Variants in OTUD7A observed in about 807,000 individuals in gnomAD.
OTUD7A encodes OTU domain-containing protein 7A.
In OTUD7A, 12 loss-of-function variants were observed where a neutral mutation model predicts 65.7. The ratio of observed to expected loss-of-function variants is 0.18; its 90% CI spans 0.12 to 0.30. OTUD7A has a LOEUF of 0.30. Ranked by LOEUF, OTUD7A falls within the 10% of genes least tolerant of loss-of-function variation. The probability of loss-of-function intolerance (pLI) is 1.00; values close to 1 mark genes in which losing one functional copy is unlikely to be tolerated. For missense variants in OTUD7A, 1,148 were observed against 1,304.8 expected, an observed-to-expected ratio of 0.88 and a Z score of 1.85; for synonymous variants, 641 against 586.3, an observed-to-expected ratio of 1.09 and a Z score of -1.35.
At chr15:31,808,145 C>A (rs1423706428) in intron 1 of OTUD7A, among the ~76,000 whole-genome samples, 2 of 54,866 alleles carry the variant, frequency 3.6e-5, no homozygotes, top group Non-Finnish European at 9.4e-5. Context: ...ACAAACAAAT[C>A]CTCACCAGGT....
intron 8 of OTUD7A, among the ~76,000 whole-genome samples, chr15:31,520,069 C>T (rs1353186488): frequency 6.6e-6 from 1 of 152,148 alleles, no homozygotes; most frequent in Admixed American, 6.5e-5. Flanking sequence ...TATATTGCTA[C>T]AGTAATCTAC....
intron 10 of OTUD7A, among the ~76,000 whole-genome samples, chr15:31,489,135 A>G (rs1397359657): frequency 2.0e-5 from 3 of 152,080 alleles, no homozygotes; most frequent in Admixed American, 2.0e-4. Context: ...ACACAAACAG[A>G]GAAGGGGTTA....
chr15:31,756,164 G>C (rs1894806426), intron 1 of OTUD7A, among the ~76,000 whole-genome samples: 1 of 152,220 alleles, frequency 6.6e-6, no homozygotes, highest in East Asian at 1.9e-4. Flanking sequence ...CCACACCTCT[G>C]ACTAAGGGCC....
At chr15:31,694,240 G>A (rs2141320772) in intron 1 of OTUD7A, among the ~76,000 whole-genome samples, 1 of 152,212 alleles carries the variant, frequency 6.6e-6, no homozygotes, top group Non-Finnish European at 1.5e-5. Context: ...ATGCTCTCTG[G>A]CATCCCTCGG....
At chr15:31,641,843 T>A (rs1891526089) in intron 3 of OTUD7A, among the ~76,000 whole-genome samples, 1 of 152,236 alleles carries the variant, frequency 6.6e-6, no homozygotes, top group Non-Finnish European at 1.5e-5. Context: ...ACATATGTCA[T>A]CATGTCACCT....
At chr15:31,659,076 T>TAAATA (rs137879176) in intron 1 of OTUD7A, among the ~76,000 whole-genome samples, 21 of 131,858 alleles carry the variant, frequency 1.6e-4, no homozygotes, top group Admixed American at 5.3e-4. Flanking sequence ...AATAAATAAA[T>TAAATA]AAATAAAATA....
In OTUD7A at chr15:31,507,541, G is replaced by A. The variant is rs192327917; in HGVS notation, c.894-3723C>T. ...CTCTTAAGTGTGGCACGGACCCAAAGAGTGAGCAGCAGCAAGATTTATTGT... is the reference window on the plus strand; with the variant it reads ...CTCTTAAGTGTGGCACGGACCCAAAAAGTGAGCAGCAGCAAGATTTATTGT... On this transcript the variant is annotated intron_variant, in intron 8 of 12. Coordinates refer to ENST00000307050, the MANE Select transcript of OTUD7A (RefSeq NM_001382637.1). 1.1e-4 allele frequency among the ~76,000 whole-genome samples: 16 copies of A among 152,186 alleles called. No homozygotes were observed. In the East Asian group the frequency reaches 3.1e-3, roughly 29 times the overall value.
At chr15:31,565,231 G>A (rs1388280027) in intron 4 of OTUD7A, among the ~76,000 whole-genome samples, 6 of 152,120 alleles carry the variant, frequency 3.9e-5, no homozygotes, top group Non-Finnish European at 7.4e-5. Context: ...CAGTTCAGGA[G>A]AGTCTACCTA....
At chr15:31,626,469 G>A (rs1466150063) in intron 3 of OTUD7A, among the ~76,000 whole-genome samples, 1 of 152,118 alleles carries the variant, frequency 6.6e-6, no homozygotes, top group Non-Finnish European at 1.5e-5. Flanking sequence ...GTATACTAGT[G>A]GGGAAAATAT....
chr15:31,581,362 G>A (rs1028372258), intron 3 of OTUD7A, among the ~76,000 whole-genome samples: 1 of 152,204 alleles, frequency 6.6e-6, no homozygotes, highest in Non-Finnish European at 1.5e-5. Context: ...GGGTCTGGAG[G>A]ATGGTGGCCC....
At chr15:31,610,778 C>T (rs531731279) in intron 3 of OTUD7A, among the ~76,000 whole-genome samples, 17 of 151,192 alleles carry the variant, frequency 1.1e-4, no homozygotes, top group East Asian at 7.8e-4. Flanking sequence ...CCCGCCACCA[C>T]GCCTGGCTAA....
At chr15:31,746,461 A>G (rs1248265556) in intron 1 of OTUD7A, among the ~76,000 whole-genome samples, 1 of 152,074 alleles carries the variant, frequency 6.6e-6, no homozygotes, top group Non-Finnish European at 1.5e-5. Context: ...TAAATCTCAT[A>G]GAAGCTGGAA....
chr15:31,734,318 G>A (rs1261246514), intron 1 of OTUD7A, among the ~76,000 whole-genome samples: 3 of 152,110 alleles, frequency 2.0e-5, no homozygotes, highest in African/African-American at 7.2e-5. Context: ...TGATTGAAGT[G>A]GCCATACTGC....
chr15:31,517,152 G>C (rs528883860), intron 8 of OTUD7A, among the ~76,000 whole-genome samples: 1 of 152,220 alleles, frequency 6.6e-6, no homozygotes, highest in Non-Finnish European at 1.5e-5. Context: ...ACACCTGCCA[G>C]GTAAGAGAAG....
intron 4 of OTUD7A, among the ~76,000 whole-genome samples, chr15:31,562,614 C>G (rs1361621415): frequency 6.6e-6 from 1 of 152,148 alleles, no homozygotes; most frequent in Admixed American, 6.5e-5. Context: ...AAAACAACTT[C>G]CACCTTCATG....
chr15:31,869,757 T>A (rs1052959234), intron 1 of OTUD7A, among the ~76,000 whole-genome samples: 4 of 152,170 alleles, frequency 2.6e-5, no homozygotes, highest in African/African-American at 9.7e-5. Context: ...CTGCAATAGC[T>A]TCACCGGGAG....
At chr15:31,673,004 G>T (rs4041947) in intron 1 of OTUD7A, among the ~76,000 whole-genome samples, 1 of 152,182 alleles carries the variant, frequency 6.6e-6, no homozygotes, top group Non-Finnish European at 1.5e-5. Flanking sequence ...CATGGGCTTA[G>T]GATCCCAAAA....
chr15:31,614,894 G>C (rs1890538952), intron 3 of OTUD7A, among the ~76,000 whole-genome samples: 1 of 152,144 alleles, frequency 6.6e-6, no homozygotes, highest in Admixed American at 6.5e-5. Flanking sequence ...GAAGTACTAA[G>C]TTCCTTGAAT....
intron 5 of OTUD7A, among the ~76,000 whole-genome samples, chr15:31,551,055 T>C (rs1207196180): frequency 6.6e-6 from 1 of 152,110 alleles, no homozygotes. Flanking sequence ...GCTGTGTGGA[T>C]GGAGGGCAAG....
Sources: allele counts gnomAD v4.1 joint callset (sites outside exome capture counted in the v4.1 genomes callset), GRCh38; gene constraint gnomAD v4.1.1; transcripts MANE v1.5; gene names NCBI Gene and HGNC (gene_info 2026-07-23, HGNC 2026-07-21).